The following GCG variants were observed in gnomAD, a reference collection of about 807,000 sequenced individuals.
GCG encodes glucagon, also known as pro-glucagon.
In GCG, 11 loss-of-function variants were observed where a neutral mutation model predicts 22.8. The observed-to-expected ratio is 0.48, with a 90% CI of 0.30 to 0.80. The LOEUF is 0.80. GCG is among the 30% of genes least tolerant of loss of function. The pLI, the probability that GCG is intolerant of heterozygous loss-of-function variation, is 0.06. For synonymous variants in GCG, 89 were observed against 72.4 expected (o/e 1.23, Z -1.16); for missense variants, 222 against 222.0 (o/e 1.00, Z 0.00).
chr2:162,143,250 TGCAAAGCAATGTG>T lies in GCG; in HGVS notation c.*101_*113del. ...CTAAAAGAAAATTTATTTATTGGCATGCAAAGCAATGTGGCCTCAGAATACACCTCTTAAATTT... is the reference window on the plus strand; with the variant it reads ...CTAAAAGAAAATTTATTTATTGGCATGCCTCAGAATACACCTCTTAAATTT... On this transcript the variant is annotated 3_prime_UTR_variant, in exon 6 of 6. Transcript: ENST00000418842. The T allele has an allele frequency of 2.2e-6, 1 of 456,718 alleles. No individual in the cohort carries two copies. The highest frequency in any genetic ancestry group is 3.9e-6 in the Non-Finnish European group (1 of 254,240). The allele number at this position is 456,718 out of a possible 1,614,324, so 28.3% of individuals were successfully genotyped here. A position where few individuals can be genotyped will look rare whatever the true frequency, so the allele number is the denominator to read the frequency against.
intron 1 of GCG, 124 bp from the exon 2 acceptor site, chr2:162,149,311 C>T (rs765753127): frequency 4.5e-4 from 264 of 586,590 alleles, no homozygotes; most frequent in Non-Finnish European, 5.8e-4. Flanking sequence ...CTAGTGTTAT[C>T]ACTTTTATTC....
rs35920035 is a variant in GCG, at chr2:162,145,660, C to T, written c.272G>A (p.Arg91His). 3.5e-4 allele frequency: 567 copies of T among 1,608,954 alleles called. No individual in the cohort carries two copies. The highest frequency in any genetic ancestry group is 4.3e-4 in the Non-Finnish European group (507 of 1,177,868). ...AGCATGTCTCTCAAATTCATCGTGACGTTTGGCAATGTTATTCCTGAAAGA... is the reference window on the plus strand; with the variant it reads ...AGCATGTCTCTCAAATTCATCGTGATGTTTGGCAATGTTATTCCTGAAAGA... ...TKRNRNNIAK[R>H]HDEFERHAEG... The change falls in exon 4 of 6, where the codon CGT becomes CAT. Residue 91 changes from arginine to histidine, a missense_variant. Physicochemically the swap from Arg to His is conservative, Grantham distance 29. Transcript: ENST00000418842.
intron 4 of GCG, chr2:162,144,840 G>T (rs1273844303): frequency 6.6e-6 from 1 of 152,050 alleles, no homozygotes; most frequent in Non-Finnish European, 1.5e-5. Context: ...AAAATCGGAA[G>T]AAAATGAGAT....
At chr2:162,146,538 TTCTCTCTC>T (rs59717414) in intron 3 of GCG, among the ~76,000 whole-genome samples, 7,285 of 133,464 alleles carry the variant, frequency 0.055, 515 homozygotes, top group Admixed American at 0.24. Flanking sequence ...TGCTTGCTTG[TTCTCTCTC>T]TCTCTCTCTC....
intron 4 of GCG, chr2:162,144,387 A>G (rs1686629638): frequency 1.9e-6 from 1 of 519,368 alleles, no homozygotes. Flanking sequence ...CCAAGCCTGC[A>G]TAATTTCATG....
intron 4 of GCG, chr2:162,144,616 T>A (rs1244617720): frequency 6.5e-6 from 1 of 154,326 alleles, no homozygotes; most frequent in African/African-American, 2.4e-5. Flanking sequence ...ATTTTTGGTA[T>A]CCCTTTAAAA....
In GCG at chr2:162,145,659, A is replaced by T. The variant is rs1055726822; in HGVS notation, c.273T>A (p.Arg91=). 6.2e-7 allele frequency: 1 copy of T among 1,609,624 alleles called. No homozygotes were observed. ...CAGCATGTCTCTCAAATTCATCGTG[A>T]CGTTTGGCAATGTTATTCCTGAAAG... The part of the protein sequence containing the change: ...TKRNRNNIAK[R]HDEFERHAEG... The change falls in exon 4 of 6, where the codon CGT becomes CGA. Residue 91 remains arginine (R), a synonymous_variant. Transcript: ENST00000418842.
intron 2 of GCG, 83 bp from the exon 3 acceptor site, chr2:162,147,597 A>G: frequency 8.4e-7 from 1 of 1,197,562 alleles, no homozygotes; most frequent in South Asian, 1.2e-5. Context: ...ACAAAATACA[A>G]GACCATATAA....
At chr2:162,147,245 G>T in intron 3 of GCG, 108 bp downstream of exon 3, 1 of 816,900 alleles carries the variant, frequency 1.2e-6, no homozygotes, top group Non-Finnish European at 2.0e-6. Flanking sequence ...AATGATCAGG[G>T]CTTATGGGCA....
intron 1 of GCG, among the ~76,000 whole-genome samples, chr2:162,151,389 C>T (rs1176921564): frequency 6.6e-6 from 1 of 152,104 alleles, no homozygotes; most frequent in Non-Finnish European, 1.5e-5. Context: ...TAATCATTTA[C>T]TCCATCAAAG....
At chr2:162,147,319 AT>A in intron 3 of GCG, 33 bp downstream of exon 3, 1 of 1,548,806 alleles carries the variant, frequency 6.5e-7, no homozygotes, top group Non-Finnish European at 8.9e-7. Context: ...TAATACATTT[AT>A]AAGCAAGTTT....
At chr2:162,151,052 C>A (rs1686823656) in intron 1 of GCG, among the ~76,000 whole-genome samples, 1 of 151,624 alleles carries the variant, frequency 6.6e-6, no homozygotes, top group Non-Finnish European at 1.5e-5. Context: ...AATACAATTG[C>A]TGAGAAAGTA....
chr2:162,149,098 C>G lies in GCG; in HGVS notation c.81G>C (p.Glu27Asp). The G allele has an allele frequency of 1.9e-6, 3 of 1,602,796 alleles. No individual in the cohort carries two copies. The highest frequency in any genetic ancestry group is 2.6e-6 in the Non-Finnish European group (3 of 1,170,136). Reference protein sequence around the residue: ...GSWQRSLQDTEEKSRSFSASQ... With the variant: ...GSWQRSLQDTDEKSRSFSASQ... Reference sequence around the variant, plus strand: ...TACGGATTTAATACCTGGATTTCTCCTCTGTGTCTTGAAGGGAACGTTGCC... The same window carrying G: ...TACGGATTTAATACCTGGATTTCTCGTCTGTGTCTTGAAGGGAACGTTGCC... Residue 27 changes from glutamate (E) to aspartate (D), a missense_variant, in exon 2 of 6, where the codon GAG (glutamate) becomes GAC (aspartate). Glu to Asp is a conservative substitution (Grantham distance 45). Transcript: ENST00000418842.
chr2:162,143,773 C>G, intron 5 of GCG: 1 of 496,824 alleles, frequency 2.0e-6, no homozygotes, highest in Non-Finnish European at 3.6e-6. Context: ...TCATTTCTAT[C>G]TGTGTTTCTA....
rs1297623374 is a variant in GCG, at chr2:162,143,284, A to G, written c.*80T>C. The stretch of plus-strand genomic sequence containing the variant: ...ATGTGGCCTCAGAATACACCTCTTA[A>G]ATTTACAGGACTTAACATTTCAAAC... On this transcript the variant is annotated 3_prime_UTR_variant, in exon 6 of 6. Coordinates refer to ENST00000418842, the MANE Select transcript of GCG (RefSeq NM_002054.5). 2 of 707,764 alleles carry G rather than the reference A, an allele frequency of 2.8e-6. No homozygotes were observed. The highest frequency in any genetic ancestry group is 4.5e-6 in the Non-Finnish European group (2 of 444,038). 43.8% of individuals were successfully genotyped at this position (707,764 alleles called of 1,614,324 possible). A position where few individuals can be genotyped will look rare whatever the true frequency, so the allele number is the denominator to read the frequency against.
intron 2 of GCG, 177 bp from the exon 3 acceptor site, chr2:162,147,691 A>C: frequency 1.4e-6 from 1 of 731,562 alleles, no homozygotes; most frequent in East Asian, 2.5e-5. Flanking sequence ...CCTTCGTTTT[A>C]GTATAGTTGC....
intron 2 of GCG, chr2:162,147,741 C>T: frequency 1.8e-6 from 1 of 561,852 alleles, no homozygotes; most frequent in Non-Finnish European, 3.2e-6. Flanking sequence ...TGTTTCTCAA[C>T]TGACTTCTTT....
intron 1 of GCG, among the ~76,000 whole-genome samples, chr2:162,150,739 G>A (rs551225444): frequency 6.6e-6 from 1 of 152,026 alleles, no homozygotes; most frequent in Non-Finnish European, 1.5e-5. Context: ...TCTTGTAAAA[G>A]CTTTTAGTCT....
chr2:162,149,185 T>G lies in GCG; in HGVS notation c.-7A>C. ...CAAAGTAAATGCTTTTCATTTCTGC[T>G]GTCTGTCAGAACACAGAATGGGGGT... On this transcript the variant is annotated splice_region_variant and 5_prime_UTR_variant, in exon 2 of 6. Coordinates refer to ENST00000418842, the MANE Select transcript of GCG (RefSeq NM_002054.5). The G allele has an allele frequency of 1.3e-6, 2 of 1,595,884 alleles. No individual in the cohort carries two copies. Among genetic ancestry groups the G allele is most frequent in the Non-Finnish European group, 1.7e-6 (2 of 1,164,344 alleles).
Sources: allele counts gnomAD v4.1 joint callset (sites outside exome capture counted in the v4.1 genomes callset), GRCh38; gene constraint gnomAD v4.1.1; transcripts MANE v1.5; gene names NCBI Gene and HGNC (gene_info 2026-07-23, HGNC 2026-07-21).